RANBP2: variants seen among roughly 807,000 people sequenced by gnomAD.
The protein encoded by RANBP2 is RAN binding protein 2.
A neutral mutation model predicts 303.6 loss-of-function variants in RANBP2; 57 were observed. The observed-to-expected ratio is 0.19, with a 90% CI of 0.15 to 0.23. The LOEUF is 0.23. Ranked by LOEUF, RANBP2 falls within the 10% of genes least tolerant of loss-of-function variation. The pLI is 1.00. For missense variants in RANBP2, 3,138 were observed against 3,780.8 expected (o/e 0.83, Z 4.46); for synonymous variants, 1,167 against 1,301.5 (o/e 0.90, Z 2.23).
At chr2:109,190,466 G>A in the RANBP2 span, among the ~76,000 whole-genome samples, 5 of 152,294 alleles carry the variant, frequency 3.3e-5, no homozygotes, top group South Asian at 8.3e-4. Flanking sequence ...GAGCCACTGC[G>A]CCTGGTCGAC....
At chr2:109,428,429 A>T in the RANBP2 span, among the ~76,000 whole-genome samples, 3 of 152,346 alleles carry the variant, frequency 2.0e-5, no homozygotes, top group South Asian at 6.2e-4. Context: ...GTGAAAGCAG[A>T]CACATGCCAT....
chr2:108,977,941 G>T, the RANBP2 span, among the ~76,000 whole-genome samples: 1 of 152,226 alleles, frequency 6.6e-6, no homozygotes, highest in South Asian at 2.1e-4. Context: ...CTATAGGCAG[G>T]ATCTATGGAC....
the RANBP2 span, among the ~76,000 whole-genome samples, chr2:109,116,768 A>G: frequency 6.6e-6 from 1 of 152,028 alleles, no homozygotes; most frequent in African/African-American, 2.4e-5. Context: ...GGTTTTATCT[A>G]CTTTTGGTCT....
At chr2:109,764,640 G>A in the RANBP2 span, among the ~76,000 whole-genome samples, 1 of 148,360 alleles carries the variant, frequency 6.7e-6, no homozygotes, top group Non-Finnish European at 1.5e-5. Context: ...TTTGGGACTT[G>A]GGTGGAGGAT....
the RANBP2 span, chr2:109,614,381 GC>G: frequency 3.4e-6 from 3 of 891,234 alleles, no homozygotes; most frequent in Non-Finnish European, 4.4e-6. Flanking sequence ...TAGGCTGGCA[GC>G]CCGCTGAGCC....
the RANBP2 span, among the ~76,000 whole-genome samples, chr2:109,392,518 T>C: frequency 2.0e-5 from 3 of 151,942 alleles, no homozygotes; most frequent in African/African-American, 7.2e-5. Flanking sequence ...GCTTCTTCTT[T>C]TTTTTTTTGG....
At chr2:109,339,910 G>T in the RANBP2 span, among the ~76,000 whole-genome samples, 5 of 152,182 alleles carry the variant, frequency 3.3e-5, no homozygotes, top group African/African-American at 1.2e-4. Context: ...CTCCACAGAG[G>T]CTTCCCTCGC....
the RANBP2 span, among the ~76,000 whole-genome samples, chr2:109,661,739 G>T: frequency 3.3e-5 from 5 of 152,300 alleles, no homozygotes; most frequent in African/African-American, 9.6e-5. Context: ...TTGACTTTCA[G>T]CTGTCTTCAG....
the RANBP2 span, among the ~76,000 whole-genome samples, chr2:109,249,813 C>T: frequency 5.3e-5 from 8 of 151,480 alleles, no homozygotes; most frequent in Admixed American, 2.6e-4. Context: ...CCCGCCACCG[C>T]GCCCGGCTAA....
At chr2:108,788,346 G>C (rs1296310445), downstream of RANBP2, among the ~76,000 whole-genome samples, 1 of 151,842 alleles carries the variant, frequency 6.6e-6, no homozygotes, top group Non-Finnish European at 1.5e-5. Flanking sequence ...GTTGAACCCG[G>C]GAGGCAGAGG....
chr2:109,078,100 A>ATATATATATATATATAGAGTG, the RANBP2 span, among the ~76,000 whole-genome samples: 1 of 70,006 alleles, frequency 1.4e-5, no homozygotes, highest in African/African-American at 5.0e-5. Context: ...ATATATATAT[A>ATATATATATATATATAGAGTG]TATATATATA....
chr2:109,275,761 C>G, the RANBP2 span, among the ~76,000 whole-genome samples: 2 of 152,204 alleles, frequency 1.3e-5, no homozygotes, highest in Non-Finnish European at 2.9e-5. Context: ...GCACCTGCTT[C>G]CCTGTGCTAA....
the RANBP2 span, among the ~76,000 whole-genome samples, chr2:109,194,097 C>G: frequency 6.6e-6 from 1 of 152,230 alleles, no homozygotes; most frequent in African/African-American, 2.4e-5. Context: ...TAAAAACTCC[C>G]CAAGACGCTG....
the RANBP2 span, among the ~76,000 whole-genome samples, chr2:109,622,849 C>T: frequency 1.5e-4 from 23 of 152,250 alleles, no homozygotes; most frequent in South Asian, 3.9e-3. Flanking sequence ...ATTTTGAGGC[C>T]GGGCACAGTG....
the RANBP2 span, among the ~76,000 whole-genome samples, chr2:109,330,857 C>T: frequency 6.6e-6 from 1 of 152,156 alleles, no homozygotes; most frequent in Middle Eastern, 3.2e-3. Flanking sequence ...AAGCAGGATC[C>T]CTCTTAAGGG....
At chr2:108,883,807 C>G in the RANBP2 span, 2 of 152,312 alleles carry the variant, frequency 1.3e-5, no homozygotes, top group African/African-American at 4.8e-5. Context: ...CTAAACCTCA[C>G]TCCTCTCTTT....
intron 6 of RANBP2, among the ~76,000 whole-genome samples, chr2:108,737,806 C>A (rs1025110019): frequency 6.8e-6 from 1 of 147,752 alleles, no homozygotes; most frequent in African/African-American, 2.5e-5. Flanking sequence ...CTCTGCCTGC[C>A]AGGTTCATGC....
Position 108,719,542 on chromosome 2 carries a change from A to G in RANBP2, c.-65A>G. ...TGGTTTGCAGGCGCTTTCCTCTTGG[A>G]AGTGGCGACTGCTGCGGGCCTGAGC... is the stretch of plus-strand genomic sequence containing the variant. On this transcript the variant is annotated 5_prime_UTR_variant, in exon 1 of 29. Transcript: ENST00000283195. 6.4e-7 allele frequency: 1 copy of G among 1,560,502 alleles called. No individual in the cohort carries two copies. Among genetic ancestry groups the G allele is most frequent in the Non-Finnish European group, 8.7e-7 (1 of 1,153,720 alleles).
the RANBP2 span, among the ~76,000 whole-genome samples, chr2:108,877,117 C>T: frequency 6.6e-6 from 1 of 152,104 alleles, no homozygotes; most frequent in Non-Finnish European, 1.5e-5. Context: ...GAAGTAGAAA[C>T]AGAAAGCCAT....
Sources: allele counts gnomAD v4.1 joint callset (sites outside exome capture counted in the v4.1 genomes callset), GRCh38; gene constraint gnomAD v4.1.1; transcripts MANE v1.5; gene names NCBI Gene and HGNC (gene_info 2026-07-23, HGNC 2026-07-21).